C4orf36: variants seen among roughly 807,000 people sequenced by gnomAD.
The protein encoded by C4orf36 is chromosome 4 open reading frame 36, also known as uncharacterized protein C4orf36.
C4orf36 carries 11 observed loss-of-function variants against 12.2 expected under a neutral mutation model. The observed-to-expected ratio is 0.90, with a 90% CI of 0.57 to 1.49. C4orf36 has a LOEUF of 1.49. Among genes scored for constraint, C4orf36 ranks in the 40% most tolerant of loss-of-function variants. The pLI, the probability that C4orf36 is intolerant of heterozygous loss-of-function variation, is 0.00. For synonymous variants in C4orf36, 54 were observed against 51.3 expected, an observed-to-expected ratio of 1.05 and a Z score of -0.22; for missense variants, 137 against 133.9, an observed-to-expected ratio of 1.02 and a Z score of -0.11.
chr4:86,909,405 A>G, the C4orf36 span, among the ~76,000 whole-genome samples: 3 of 152,200 alleles, frequency 2.0e-5, no homozygotes, highest in Non-Finnish European at 2.9e-5. Context: ...ATTTTCCTAC[A>G]TAACAAACAG....
the C4orf36 span, among the ~76,000 whole-genome samples, chr4:86,909,657 A>G: frequency 2.6e-5 from 4 of 152,114 alleles, no homozygotes; most frequent in African/African-American, 4.8e-5. Context: ...TGAAAGTGAA[A>G]CATCCTACTA....
chr4:86,915,719 G>A, the C4orf36 span, among the ~76,000 whole-genome samples: 2 of 152,248 alleles, frequency 1.3e-5, no homozygotes, highest in East Asian at 1.9e-4. Context: ...CCCAGGAGAC[G>A]GAGGTTGCGG....
At chr4:86,893,287 C>T (rs756314923), upstream of C4orf36, among the ~76,000 whole-genome samples, 9 of 152,188 alleles carry the variant, frequency 5.9e-5, no homozygotes, top group Non-Finnish European at 1.3e-4. Flanking sequence ...CACAGATGGG[C>T]CAGGCACGGT....
the C4orf36 span, among the ~76,000 whole-genome samples, chr4:86,904,717 G>T: frequency 6.6e-6 from 1 of 151,720 alleles, no homozygotes; most frequent in Admixed American, 6.6e-5. Flanking sequence ...CGCATAAAAA[G>T]GCCGCATCTC....
the C4orf36 span, among the ~76,000 whole-genome samples, chr4:86,909,943 C>T: frequency 7.4e-6 from 1 of 135,954 alleles, no homozygotes; most frequent in Non-Finnish European, 1.6e-5. Flanking sequence ...AATAGCGGAA[C>T]TTCTAGGGAA....
At chr4:86,902,327 CA>C in the C4orf36 span, among the ~76,000 whole-genome samples, 4 of 143,112 alleles carry the variant, frequency 2.8e-5, no homozygotes, top group African/African-American at 1.1e-4. Flanking sequence ...AAGGCTGAGG[CA>C]GGGGGATCTC....
chr4:86,933,142 AAAT>A, the C4orf36 span: 1 of 148,104 alleles, frequency 6.8e-6, no homozygotes, highest in Non-Finnish European at 1.5e-5. Context: ...GCAACTTAAA[AAAT>A]AATAATAACT....
At position 86,891,309 on chromosome 4, in the gene C4orf36, A is replaced by AAT. The variant is rs1747403481; in HGVS notation, c.65+146_65+147insAT. The AAT allele has an allele frequency of 4.6e-6, 3 of 656,098 alleles. No homozygotes were observed. In the African/African-American group the frequency reaches 5.5e-5, roughly 12 times the overall value. The allele number at this position is 656,098 out of a possible 1,614,324, so 40.6% of individuals were successfully genotyped here. On this transcript the variant is annotated intron_variant, in intron 2 of 4. Coordinates refer to ENST00000295898, the MANE Select transcript of C4orf36 (RefSeq NM_144645.4). ...AGCAGTTGCCAAAAAAAAAAAAAAA[A>AAT]AAAATCAGATCCCAGACACCTCAAA...
chr4:86,935,026 G>C, the C4orf36 span: 1 of 151,876 alleles, frequency 6.6e-6, no homozygotes, highest in African/African-American at 2.4e-5. Flanking sequence ...GCTAGCGAGC[G>C]ACGGGCGCGC....
At chr4:86,909,118 C>G in the C4orf36 span, among the ~76,000 whole-genome samples, 1 of 152,184 alleles carries the variant, frequency 6.6e-6, no homozygotes, top group Non-Finnish European at 1.5e-5. Flanking sequence ...TCTCCCATGA[C>G]CCATATCTCA....
At chr4:86,915,364 C>G in the C4orf36 span, among the ~76,000 whole-genome samples, 1 of 152,196 alleles carries the variant, frequency 6.6e-6, no homozygotes, top group East Asian at 1.9e-4. Flanking sequence ...TCACATCAGG[C>G]TACTTCCATG....
chr4:86,884,386 C>A (rs568136585), intron 4 of C4orf36, among the ~76,000 whole-genome samples: 1 of 149,840 alleles, frequency 6.7e-6, no homozygotes, highest in African/African-American at 2.5e-5. Flanking sequence ...CTCAATGCAG[C>A]GTCAAACTAC....
chr4:86,931,660 A>G, the C4orf36 span, among the ~76,000 whole-genome samples: 30 of 152,112 alleles, frequency 2.0e-4, no homozygotes, highest in African/African-American at 7.0e-4. Context: ...CATCCTCCCA[A>G]CGTGCTGGGA....
the C4orf36 span, among the ~76,000 whole-genome samples, chr4:86,906,202 G>A: frequency 6.6e-6 from 1 of 152,258 alleles, no homozygotes; most frequent in Non-Finnish European, 1.5e-5. Flanking sequence ...AAATTCTAAT[G>A]ATTAGGAAGG....
At chr4:86,879,446 GAGTC>G (rs1746995932) in intron 4 of C4orf36, among the ~76,000 whole-genome samples, 2 of 152,124 alleles carry the variant, frequency 1.3e-5, no homozygotes, top group African/African-American at 4.8e-5. Context: ...GCAGAAAAAA[GAGTC>G]AGTGAATTTG....
At chr4:86,895,679 C>T (rs1459291502), upstream of C4orf36, among the ~76,000 whole-genome samples, 1 of 152,206 alleles carries the variant, frequency 6.6e-6, no homozygotes, top group Non-Finnish European at 1.5e-5. Flanking sequence ...ATGACTATTT[C>T]AGTATATCCT....
At chr4:86,891,430 A>G (rs1478678504) in intron 2 of C4orf36, 26 bp downstream of exon 2, 4 of 1,479,200 alleles carry the variant, frequency 2.7e-6, no homozygotes, top group Non-Finnish European at 3.6e-6. Context: ...GCTTACCCTG[A>G]TTTAAAAAAA....
At chr4:86,923,150 G>A in the C4orf36 span, among the ~76,000 whole-genome samples, 7 of 150,084 alleles carry the variant, frequency 4.7e-5, no homozygotes, top group Admixed American at 4.0e-4. Flanking sequence ...GGAGTGCAGT[G>A]ATACAATCAT....
chr4:86,892,104 C>T (rs1055626111), intron 1 of C4orf36, 79 bp downstream of exon 1: 1 of 985,468 alleles, frequency 1.0e-6, no homozygotes, highest in African/African-American at 1.7e-5. Flanking sequence ...GGAACTGGTT[C>T]CCGGGACGGG....
Sources: gnomAD v4.1 joint callset for allele counts (sites outside exome capture counted in the v4.1 genomes callset) on GRCh38, gnomAD v4.1.1 for gene constraint, MANE v1.5 for transcripts, NCBI Gene and HGNC (gene_info 2026-07-23, HGNC 2026-07-21) for gene names.